Variants in CFAP161 observed in about 807,000 individuals in gnomAD.
CFAP161 encodes the protein cilia- and flagella-associated protein 161.
A neutral mutation model predicts 29.0 loss-of-function variants in CFAP161; 25 were observed. The ratio of observed to expected loss-of-function variants is 0.86; its 90% CI spans 0.63 to 1.20. CFAP161 has a LOEUF of 1.20. Among genes scored for constraint, CFAP161 ranks in the 50% most tolerant of loss-of-function variants. The pLI is 0.00. For missense variants in CFAP161, 367 were observed against 371.9 expected (o/e 0.99, Z 0.11); for synonymous variants, 116 against 137.4 (o/e 0.84, Z 1.09).
rs1895055404 is a variant in CFAP161, at chr15:81,148,809, T to C, written c.*276T>C. ...TTCTGAAGAACTCAGCTTCCTCTAC[T>C]TATATCCTTCATTGTCTACAAGGAC... is the stretch of plus-strand genomic sequence containing the variant. On this transcript the variant is annotated 3_prime_UTR_variant, in exon 7 of 7. Coordinates refer to ENST00000286732, the MANE Select transcript of CFAP161 (RefSeq NM_173528.4). 4 of 290,462 alleles carry C rather than the reference T, an allele frequency of 1.4e-5. No individual in the cohort carries two copies. The highest frequency in any genetic ancestry group is 1.9e-5 in the Non-Finnish European group (3 of 155,764). 18.0% of individuals were successfully genotyped at this position (290,462 alleles called of 1,614,324 possible).
At chr15:81,114,812 C>T (rs1450678245) in intron 1 of CFAP161, among the ~76,000 whole-genome samples, 1 of 152,052 alleles carries the variant, frequency 6.6e-6, no homozygotes, top group Non-Finnish European at 1.5e-5. Flanking sequence ...TGCAGGCACC[C>T]ACCACCACGC....
chr15:81,120,929 G>A (rs2683242), intron 1 of CFAP161, among the ~76,000 whole-genome samples: 86,688 of 152,058 alleles, frequency 0.57, 26,005 homozygotes, highest in Non-Finnish European at 0.68. Context: ...TTAAAGAAAC[G>A]GGTTTCAGAA....
At chr15:81,103,810 C>G (rs2141859164) in intron 1 of CFAP161, among the ~76,000 whole-genome samples, 1 of 152,264 alleles carries the variant, frequency 6.6e-6, no homozygotes, top group South Asian at 2.1e-4. Context: ...GAGGGGTAGT[C>G]TTGGGAACTG....
At chr15:81,109,382 T>G (rs574110737) in intron 1 of CFAP161, among the ~76,000 whole-genome samples, 1 of 152,340 alleles carries the variant, frequency 6.6e-6, no homozygotes, top group African/African-American at 2.4e-5. Context: ...TTAATCCCCC[T>G]TGTTTAAAAG....
chr15:81,147,416 A>G (rs1895027660), intron 5 of CFAP161, among the ~76,000 whole-genome samples: 1 of 152,156 alleles, frequency 6.6e-6, no homozygotes, highest in African/African-American at 2.4e-5. Context: ...ACCTTGGCAA[A>G]TAAACCTCTT....
At chr15:81,114,181 C>T (rs1439003972) in intron 1 of CFAP161, among the ~76,000 whole-genome samples, 1 of 152,128 alleles carries the variant, frequency 6.6e-6, no homozygotes, top group Non-Finnish European at 1.5e-5. Flanking sequence ...GGTTTGTTTC[C>T]AGACTGCTGC....
Position 81,134,356 on chromosome 15 carries a change from A to G in CFAP161, c.27A>G (p.Gly9=), listed in dbSNP as rs1204844415. The change falls in exon 1 of 7, where the codon GGA becomes GGG. Residue 9 remains glycine, a synonymous_variant. Transcript: ENST00000286732. MAQNVYGP[G]VRIGNWNEDV... Reference sequence around the variant, plus strand: ...TGGCGCAGAACGTGTATGGTCCGGGAGTCCGGATAGGCAACTGGAATGAGG... The same window carrying G: ...TGGCGCAGAACGTGTATGGTCCGGGGGTCCGGATAGGCAACTGGAATGAGG... 1.3e-6 allele frequency: 2 copies of G among 1,591,310 alleles called. No individual in the cohort carries two copies. The highest frequency in any genetic ancestry group is 1.7e-6 in the Non-Finnish European group (2 of 1,170,012).
intron 1 of CFAP161, among the ~76,000 whole-genome samples, chr15:81,125,166 T>A (rs1391734390): frequency 6.6e-6 from 1 of 152,070 alleles, no homozygotes; most frequent in Non-Finnish European, 1.5e-5. Context: ...TTACATTTAC[T>A]TGATTTTTTA....
chr15:81,136,843 A>C, intron 3 of CFAP161, 95 bp downstream of exon 3: 1 of 1,012,996 alleles, frequency 9.9e-7, no homozygotes, highest in African/African-American at 1.6e-5. Context: ...GAGTGGAGGG[A>C]AAGGTTTTGT....
At chr15:81,143,565 T>C in intron 4 of CFAP161, 97 bp from the exon 5 acceptor site, 2 of 1,349,882 alleles carry the variant, frequency 1.5e-6, no homozygotes, top group Non-Finnish European at 2.1e-6. Context: ...TGAGAACTGC[T>C]TTGAATGTGC....
At chr15:81,148,289 G>T in intron 6 of CFAP161, 49 bp from the exon 7 acceptor site, 1 of 1,490,952 alleles carries the variant, frequency 6.7e-7, no homozygotes, top group Non-Finnish European at 9.3e-7. Context: ...ACAGCTTATT[G>T]AGAGTTGTTA....
chr15:81,117,704 A>G, intron 1 of CFAP161: 1 of 302,376 alleles, frequency 3.3e-6, no homozygotes, highest in Admixed American at 4.2e-5. Flanking sequence ...CCTCCTCTTC[A>G]TCCTCATCTT....
intron 6 of CFAP161, 34 bp from the exon 7 acceptor site, chr15:81,148,304 A>G: frequency 1.3e-6 from 2 of 1,577,722 alleles, no homozygotes; most frequent in Non-Finnish European, 1.7e-6. Flanking sequence ...TTGTTATTCA[A>G]TTTCAAACCA....
intron 1 of CFAP161, among the ~76,000 whole-genome samples, chr15:81,124,170 G>A (rs181246114): frequency 6.6e-5 from 10 of 152,254 alleles, no homozygotes; most frequent in Admixed American, 6.5e-4. Context: ...TATTGGCTGT[G>A]GGTTTGTCAT....
intron 1 of CFAP161, among the ~76,000 whole-genome samples, chr15:81,125,328 A>C (rs1894627424): frequency 6.6e-6 from 1 of 152,146 alleles, no homozygotes; most frequent in African/African-American, 2.4e-5. Flanking sequence ...TTGCTGGTAA[A>C]TATTCAGCAA....
intron 2 of CFAP161, among the ~76,000 whole-genome samples, chr15:81,128,641 G>C (rs1894671131): frequency 6.6e-6 from 1 of 152,152 alleles, no homozygotes; most frequent in South Asian, 2.1e-4. Flanking sequence ...CATGAGGATT[G>C]AAATCAATTT....
At chr15:81,124,359 A>T (rs140071316) in intron 1 of CFAP161, among the ~76,000 whole-genome samples, 1 of 152,344 alleles carries the variant, frequency 6.6e-6, no homozygotes, top group African/African-American at 2.4e-5. Context: ...CTGGGGATGA[A>T]GCCTATTTGA....
chr15:81,139,809 T>C (rs1894875636), intron 4 of CFAP161, among the ~76,000 whole-genome samples: 2 of 152,226 alleles, frequency 1.3e-5, no homozygotes, highest in African/African-American at 4.8e-5. Flanking sequence ...TTTAAAAGTA[T>C]TGATACATAT....
At chr15:81,124,684 G>A (rs191819709) in intron 1 of CFAP161, among the ~76,000 whole-genome samples, 38 of 151,966 alleles carry the variant, frequency 2.5e-4, no homozygotes, top group Admixed American at 1.8e-3. Context: ...CCTCAATTTC[G>A]GAACTCATTA....
Sources: gnomAD v4.1 joint callset for allele counts (sites outside exome capture counted in the v4.1 genomes callset) on GRCh38, gnomAD v4.1.1 for gene constraint, MANE v1.5 for transcripts, NCBI Gene and HGNC (gene_info 2026-07-23, HGNC 2026-07-21) for gene names.